The following BTBD8 variants were observed in gnomAD, a reference collection of about 807,000 sequenced individuals.
BTBD8 encodes the protein BTB/POZ domain-containing protein 8.
A neutral mutation model predicts 162.9 loss-of-function variants in BTBD8; 110 were observed. The observed-to-expected ratio is 0.68, with a 90% CI of 0.58 to 0.79. The LOEUF (loss-of-function observed/expected upper bound fraction) is 0.79. Ranked by LOEUF, BTBD8 falls within the 30% of genes least tolerant of loss-of-function variation. The pLI is 0.00. For missense variants in BTBD8, 1,905 were observed against 2,085.4 expected, an observed-to-expected ratio of 0.91 and a Z score of 1.68; for synonymous variants, 667 against 716.1, an observed-to-expected ratio of 0.93 and a Z score of 1.10.
At chr1:92,159,338 C>A (rs963930974) in intron 9 of BTBD8, among the ~76,000 whole-genome samples, 3 of 151,884 alleles carry the variant, frequency 2.0e-5, no homozygotes, top group African/African-American at 7.3e-5. Flanking sequence ...CCACAGCTAG[C>A]TAATTTTTTG....
chr1:92,173,028 C>T (rs1290660794), intron 13 of BTBD8, among the ~76,000 whole-genome samples: 1 of 152,262 alleles, frequency 6.6e-6, no homozygotes, highest in East Asian at 1.9e-4. Flanking sequence ...CAGGTTCAAG[C>T]AGTTCTCCTC....
intron 4 of BTBD8, among the ~76,000 whole-genome samples, chr1:92,124,031 C>A (rs1649284320): frequency 6.6e-6 from 1 of 152,124 alleles, no homozygotes; most frequent in African/African-American, 2.4e-5. Flanking sequence ...TCTACTAAAA[C>A]CCCTCCTCTT....
At chr1:92,161,019 T>TA (rs1426421512) in intron 9 of BTBD8, among the ~76,000 whole-genome samples, 4 of 152,138 alleles carry the variant, frequency 2.6e-5, no homozygotes, top group Non-Finnish European at 5.9e-5. Context: ...GCTGGGATCT[T>TA]ATGGTTTTCT....
At chr1:92,151,156 C>T (rs755531145) in intron 9 of BTBD8, among the ~76,000 whole-genome samples, 1 of 151,552 alleles carries the variant, frequency 6.6e-6, no homozygotes, top group African/African-American at 2.4e-5. Flanking sequence ...AGTTCGAGAC[C>T]ACCTTGGTCA....
chr1:92,126,240 T>C, intron 4 of BTBD8: 1 of 576,146 alleles, frequency 1.7e-6, no homozygotes. Flanking sequence ...GCTGCAACGT[T>C]GATAAGAAAA....
At chr1:92,134,435 C>T (rs1485712345) in intron 5 of BTBD8, among the ~76,000 whole-genome samples, 1 of 152,188 alleles carries the variant, frequency 6.6e-6, no homozygotes, top group Non-Finnish European at 1.5e-5. Flanking sequence ...ATCTTTCCTC[C>T]AATAAGTTCA....
rs992434764 is a variant in BTBD8, at chr1:92,167,965, T to A, written c.1423T>A (p.Ser475Thr). The A allele has an allele frequency of 6.5e-7, 1 of 1,547,378 alleles. No homozygotes were observed. The highest frequency in any genetic ancestry group is 8.7e-7 in the Non-Finnish European group (1 of 1,144,464). Residue 475 changes from serine (S) to threonine (T), a missense_variant, in exon 11 of 18, where the codon TCT (serine) becomes ACT (threonine). Coordinates refer to ENST00000636805, the MANE Select transcript of BTBD8 (RefSeq NM_001376131.1). The part of the protein sequence containing the change: ...LLMALDTLLN[S>T]DSTKEMGFTC... ...TATGGCTCTGGACACACTGCTGAAC[T>A]CTGACAGTACAAAGGAAATGGTACT...
chr1:92,104,166 A>G (rs1229040341), intron 3 of BTBD8, among the ~76,000 whole-genome samples: 1 of 152,244 alleles, frequency 6.6e-6, no homozygotes, highest in Non-Finnish European at 1.5e-5. Flanking sequence ...GTATTGGATC[A>G]AACTCATTTT....
chr1:92,121,393 T>C (rs543938956), intron 4 of BTBD8, among the ~76,000 whole-genome samples: 15 of 152,338 alleles, frequency 9.8e-5, no homozygotes, highest in African/African-American at 3.6e-4. Context: ...TTATGTTGAC[T>C]TTATAAAATG....
chr1:92,101,084 G>A (rs1010619842), intron 2 of BTBD8, among the ~76,000 whole-genome samples: 7 of 152,160 alleles, frequency 4.6e-5, no homozygotes, highest in South Asian at 2.1e-4. Flanking sequence ...TCCTTCCACC[G>A]TTTCCCCCAC....
chr1:92,110,669 A>G (rs1648864147), intron 4 of BTBD8, among the ~76,000 whole-genome samples: 1 of 152,010 alleles, frequency 6.6e-6, no homozygotes, highest in Admixed American at 6.5e-5. Flanking sequence ...CAGCCTCCCA[A>G]GTACCTGGGA....
intron 9 of BTBD8, among the ~76,000 whole-genome samples, chr1:92,163,008 A>G (rs948882024): frequency 1.3e-5 from 2 of 151,954 alleles, no homozygotes; most frequent in African/African-American, 2.4e-5. Context: ...TAAAACAAAT[A>G]TATATATATA....
At chr1:92,166,309 A>T (rs1288772916) in intron 9 of BTBD8, among the ~76,000 whole-genome samples, 1 of 152,130 alleles carries the variant, frequency 6.6e-6, no homozygotes, top group African/African-American at 2.4e-5. Flanking sequence ...GTTATAAATG[A>T]TATCTATAAG....
chr1:92,083,215 A>G (rs1264494672), intron 1 of BTBD8, among the ~76,000 whole-genome samples: 2 of 151,900 alleles, frequency 1.3e-5, no homozygotes, highest in African/African-American at 4.8e-5. Context: ...TGACTTGCCC[A>G]GGGTCACATA....
chr1:92,176,731 C>G, intron 13 of BTBD8, 98 bp from the exon 14 acceptor site: 1 of 610,972 alleles, frequency 1.6e-6, no homozygotes, highest in Non-Finnish European at 2.6e-6. Context: ...ATGAACTTTT[C>G]TATTTTTTTT....
chr1:92,080,948 A>G (rs1647995180), intron 1 of BTBD8, among the ~76,000 whole-genome samples: 2 of 152,356 alleles, frequency 1.3e-5, no homozygotes, highest in Middle Eastern at 3.4e-3. Context: ...ATTCAAAAGG[A>G]AAACAAAAAA....
chr1:92,135,293 C>G (rs183946092), intron 5 of BTBD8, among the ~76,000 whole-genome samples: 21 of 152,258 alleles, frequency 1.4e-4, no homozygotes, highest in Admixed American at 1.2e-3. Flanking sequence ...TCAAGCAGTT[C>G]CCCTGCCTCA....
intron 9 of BTBD8, among the ~76,000 whole-genome samples, chr1:92,150,410 C>G (rs1650018782): frequency 2.0e-5 from 3 of 152,156 alleles, no homozygotes. Context: ...TAAATGTTTG[C>G]AAAGCAAAAA....
chr1:92,167,611 G>A (rs1306821656), intron 10 of BTBD8, among the ~76,000 whole-genome samples: 1 of 152,224 alleles, frequency 6.6e-6, no homozygotes, highest in Non-Finnish European at 1.5e-5. Flanking sequence ...GTATACATAT[G>A]TAACAAACCT....
Sources: allele counts gnomAD v4.1 joint callset (sites outside exome capture counted in the v4.1 genomes callset), GRCh38; gene constraint gnomAD v4.1.1; transcripts MANE v1.5; gene names NCBI Gene and HGNC (gene_info 2026-07-23, HGNC 2026-07-21).